DGKB: variants seen among roughly 807,000 people sequenced by gnomAD.
The protein encoded by DGKB is 90 kDa diacylglycerol kinase.
In DGKB, 67 loss-of-function variants were observed where a neutral mutation model predicts 114.3. The observed-to-expected ratio is 0.59, with a 90% CI of 0.48 to 0.72. The LOEUF is 0.72. DGKB is among the 30% of genes least tolerant of loss of function. The pLI, the probability that DGKB is intolerant of heterozygous loss-of-function variation, is 0.00. For synonymous variants in DGKB, 398 were observed against 323.1 expected, an observed-to-expected ratio of 1.23 and a Z score of -2.49; for missense variants, 907 against 975.2, an observed-to-expected ratio of 0.93 and a Z score of 0.93.
At chr7:14,215,554 A>C (rs1788815918) in intron 23 of DGKB, among the ~76,000 whole-genome samples, 1 of 152,298 alleles carries the variant, frequency 6.6e-6, no homozygotes, top group Non-Finnish European at 1.5e-5. Flanking sequence ...CAATTAGCAT[A>C]CAAATGTTTT....
intron 5 of DGKB, 176 bp from the exon 6 acceptor site, chr7:14,718,861 T>C: frequency 1.9e-6 from 1 of 529,018 alleles, no homozygotes; most frequent in Non-Finnish European, 3.3e-6. Flanking sequence ...ACGACTGTTG[T>C]AGATGAAGGA....
At chr7:14,265,083 G>A (rs992382580) in intron 23 of DGKB, among the ~76,000 whole-genome samples, 6 of 151,020 alleles carry the variant, frequency 4.0e-5, no homozygotes, top group African/African-American at 9.7e-5. Flanking sequence ...TTCTGTCCCC[G>A]CCCCACCCAA....
chr7:14,971,370 C>T (rs1787457765), intron 1 of DGKB, among the ~76,000 whole-genome samples: 1 of 152,122 alleles, frequency 6.6e-6, no homozygotes, highest in South Asian at 2.1e-4. Context: ...AGTTTCCTAC[C>T]TCCGTTTCCA....
chr7:14,803,118 T>C (rs548723370), intron 2 of DGKB, among the ~76,000 whole-genome samples: 1 of 152,168 alleles, frequency 6.6e-6, no homozygotes, highest in East Asian at 1.9e-4. Flanking sequence ...ACTCATTTAC[T>C]TATTTTAGAG....
rs189124742 is a variant in DGKB at position 14,238,278 on chromosome 7, C to T, written c.2123-60127G>A. ...GATAGTGAGTTTTCATAAGATCTGA[C>T]GGTTTAATAGTGCTTGGCAGTTTCC... On this transcript the variant is annotated intron_variant, in intron 23 of 25. Transcript: ENST00000402815. 9.2e-5 allele frequency among the ~76,000 whole-genome samples: 14 copies of T among 151,968 alleles called. No individual in the cohort carries two copies. The East Asian group carries it at 1.6e-3, about 17-fold the overall frequency.
intron 2 of DGKB, among the ~76,000 whole-genome samples, chr7:14,836,315 T>C (rs1847151985): frequency 6.6e-5 from 10 of 152,210 alleles, no homozygotes; most frequent in Admixed American, 6.5e-4. Flanking sequence ...CTATAAACTG[T>C]ATGAAATTTA....
intron 13 of DGKB, among the ~76,000 whole-genome samples, chr7:14,641,683 A>C (rs1010992671): frequency 2.6e-5 from 4 of 152,144 alleles, no homozygotes; most frequent in African/African-American, 4.8e-5. Flanking sequence ...AATTACATAT[A>C]GTTCAATATG....
intron 25 of DGKB, chr7:14,176,361 T>C (rs1248305830): frequency 3.0e-6 from 3 of 984,428 alleles, no homozygotes; most frequent in Admixed American, 6.2e-5. Context: ...CACAATTAAT[T>C]ATGGTAGAAA....
chr7:14,274,047 T>G (rs1332452940), intron 23 of DGKB, among the ~76,000 whole-genome samples: 1 of 152,210 alleles, frequency 6.6e-6, no homozygotes, highest in African/African-American at 2.4e-5. Flanking sequence ...CCCTTTTTGA[T>G]ACACTTGAGG....
intron 25 of DGKB, among the ~76,000 whole-genome samples, chr7:14,160,908 C>T (rs1431776005): frequency 6.6e-6 from 1 of 152,130 alleles, no homozygotes; most frequent in East Asian, 1.9e-4. Context: ...CAGCATGGTA[C>T]TGGTACCAAA....
At chr7:14,227,911 T>G (rs964946634) in intron 23 of DGKB, among the ~76,000 whole-genome samples, 8 of 152,028 alleles carry the variant, frequency 5.3e-5, no homozygotes, top group African/African-American at 1.4e-4. Flanking sequence ...CAAGAAAATA[T>G]AAAATAAAAT....
intron 25 of DGKB, among the ~76,000 whole-genome samples, chr7:14,170,416 A>G (rs1317484910): frequency 6.6e-6 from 1 of 152,182 alleles, no homozygotes; most frequent in Non-Finnish European, 1.5e-5. Flanking sequence ...AATAAGTAAT[A>G]AACATGTACA....
At chr7:14,550,720 CAAT>C (rs1794985958) in intron 20 of DGKB, among the ~76,000 whole-genome samples, 1 of 152,062 alleles carries the variant, frequency 6.6e-6, no homozygotes, top group African/African-American at 2.4e-5. Flanking sequence ...AACCAAATAA[CAAT>C]GATTGTCATG....
intron 21 of DGKB, among the ~76,000 whole-genome samples, chr7:14,448,159 T>C (rs1356032502): frequency 6.6e-6 from 1 of 152,084 alleles, no homozygotes; most frequent in Non-Finnish European, 1.5e-5. Context: ...AGAGAGATTA[T>C]GAATTACAAA....
intron 21 of DGKB, among the ~76,000 whole-genome samples, chr7:14,386,164 G>T (rs532241053): frequency 2.0e-5 from 3 of 152,156 alleles, no homozygotes; most frequent in African/African-American, 7.2e-5. Context: ...AGTGCTGTAC[G>T]CCTGAAAGCT....
At chr7:14,596,468 G>A (rs977698940) in intron 17 of DGKB, among the ~76,000 whole-genome samples, 2 of 152,134 alleles carry the variant, frequency 1.3e-5, no homozygotes, top group African/African-American at 4.8e-5. Flanking sequence ...CAGAAAACCA[G>A]TGTAAAGTCA....
At chr7:14,263,176 C>T (rs1293569113) in intron 23 of DGKB, among the ~76,000 whole-genome samples, 2 of 152,122 alleles carry the variant, frequency 1.3e-5, no homozygotes, top group Non-Finnish European at 2.9e-5. Context: ...TTATTGATAA[C>T]ATAAACCGTT....
At chr7:14,665,041 T>C (rs758174646) in intron 13 of DGKB, among the ~76,000 whole-genome samples, 1 of 151,988 alleles carries the variant, frequency 6.6e-6, no homozygotes, top group Non-Finnish European at 1.5e-5. Flanking sequence ...ACAATTCATA[T>C]AAAACAATGG....
chr7:14,606,545 T>C (rs1277539286), intron 17 of DGKB, among the ~76,000 whole-genome samples: 1 of 152,032 alleles, frequency 6.6e-6, no homozygotes, highest in African/African-American at 2.4e-5. Flanking sequence ...ATACTTGGTT[T>C]CTGGTTCCTG....
Sources: gnomAD v4.1 joint callset for allele counts (sites outside exome capture counted in the v4.1 genomes callset) on GRCh38, gnomAD v4.1.1 for gene constraint, MANE v1.5 for transcripts, NCBI Gene and HGNC (gene_info 2026-07-23, HGNC 2026-07-21) for gene names.